Variants in PC observed in about 807,000 individuals in gnomAD.
PC encodes the protein pyruvate carboxylase.
In PC, 46 loss-of-function variants were observed where a neutral mutation model predicts 107.8. The ratio of observed to expected loss-of-function variants is 0.43; its 90% CI spans 0.34 to 0.55. The LOEUF is 0.55. Ranked by LOEUF, PC falls within the 20% of genes least tolerant of loss-of-function variation. The pLI is 0.04. For synonymous variants in PC, 662 were observed against 684.7 expected (o/e 0.97, Z 0.52); for missense variants, 1,241 against 1,643.1 (o/e 0.76, Z 4.23).
rs916136652 is a variant in PC, at chr11:66,931,647, T to C, written c.-1+20783A>G. On this transcript the variant is annotated intron_variant, in intron 3 of 22. Coordinates refer to ENST00000393960, the MANE Select transcript of PC (RefSeq NM_001040716.2). ...TGCAGACTTTTTATTTGTGCTGACA[T>C]CGGACGATTTCCAAGATACACTGAT... Among the ~76,000 whole-genome samples the C allele has an allele frequency of 2.0e-5, 3 of 151,746 alleles. No homozygotes were observed. The South Asian group carries it at 6.2e-4, about 31-fold the overall frequency.
At chr11:66,933,990 T>C (rs1328972251) in intron 3 of PC, among the ~76,000 whole-genome samples, 1 of 152,194 alleles carries the variant, frequency 6.6e-6, no homozygotes, top group Non-Finnish European at 1.5e-5. Flanking sequence ...TGCTAGGCCC[T>C]GAGGATTCCA....
chr11:66,926,051 T>C (rs545693696), intron 3 of PC, among the ~76,000 whole-genome samples: 55 of 152,246 alleles, frequency 3.6e-4, no homozygotes, highest in South Asian at 1.0e-3. Flanking sequence ...TGAAATGATA[T>C]GGCAAAAAGA....
chr11:66,862,397 A>C (rs191374309), intron 12 of PC, among the ~76,000 whole-genome samples: 3 of 152,322 alleles, frequency 2.0e-5, no homozygotes, highest in Admixed American at 6.5e-5. Flanking sequence ...ACATGTGAGA[A>C]GTGATTGCAG....
intron 3 of PC, among the ~76,000 whole-genome samples, chr11:66,932,605 C>T (rs527712333): frequency 6.6e-6 from 1 of 152,258 alleles, no homozygotes; most frequent in East Asian, 1.9e-4. Flanking sequence ...CTGCATTTGC[C>T]CTTTAGCCCA....
chr11:66,940,618 G>A (rs1949107253), intron 3 of PC, among the ~76,000 whole-genome samples: 1 of 151,808 alleles, frequency 6.6e-6, no homozygotes, highest in African/African-American at 2.4e-5. Flanking sequence ...AGCCCAGGAG[G>A]TCGAGGCTGC....
At chr11:66,949,338 A>G (rs1442519070) in intron 3 of PC, among the ~76,000 whole-genome samples, 1 of 152,108 alleles carries the variant, frequency 6.6e-6, no homozygotes, top group Admixed American at 6.6e-5. Flanking sequence ...AATATGATTT[A>G]TAAGTTCAAT....
intron 3 of PC, among the ~76,000 whole-genome samples, chr11:66,910,072 A>G (rs1275657555): frequency 6.6e-6 from 1 of 152,160 alleles, no homozygotes; most frequent in East Asian, 1.9e-4. Flanking sequence ...AATTATGACG[A>G]CTTTATAGGT....
rs201276554 is a variant in PC, at chr11:66,858,338, G to A, written c.1369-4955C>T. On this transcript the variant is annotated intron_variant, in intron 12 of 22. Coordinates refer to ENST00000393960, the MANE Select transcript of PC (RefSeq NM_001040716.2). This position sits in a 1 kb window ranked among gnomAD's most constrained non-coding sequence, Gnocchi z 5.9. ...CCCAGCTCGGTCAGCTCTCCCGCCT[G>A]GACCTCACCTCCAACCGCCTGGCCA... The A allele has an allele frequency of 1.2e-6, 2 of 1,605,274 alleles. No individual in the cohort carries two copies. The highest frequency in any genetic ancestry group is 2.7e-5 in the African/African-American group (2 of 74,962).
rs1056456070 is a variant in PC at position 66,866,494 on chromosome 11, G to T, written c.1023-145C>A. 3 of 658,748 alleles carry T rather than the reference G, an allele frequency of 4.6e-6. No homozygotes were observed. The highest frequency in any genetic ancestry group is 1.8e-5 in the South Asian group (1 of 55,036). 40.8% of individuals were successfully genotyped at this position (658,748 alleles called of 1,614,324 possible). On this transcript the variant is annotated intron_variant, in intron 10 of 22. Coordinates refer to ENST00000393960, the MANE Select transcript of PC (RefSeq NM_001040716.2). This position sits in a 1 kb window ranked among gnomAD's most constrained non-coding sequence, Gnocchi z 5.4. ...AGGCTCTGGGCCAGCCTGAACAGCC[G>T]GTTCCTCCCAACCAGTGGCTCCACC...
chr11:66,870,980 C>G lies in PC; in HGVS notation c.633+72G>C. ...TGAACCCCACCCACTTTCCAGATCC[C>G]TTGAGTGGTCCGCCCCTGCCCCCAC... On this transcript the variant is annotated intron_variant, in intron 7 of 22. Transcript: ENST00000393960. This position sits in a 1 kb window ranked among gnomAD's most constrained non-coding sequence, Gnocchi z 6.1. 1 of 1,609,932 alleles carries G rather than the reference C, an allele frequency of 6.2e-7. No homozygotes were observed. The highest frequency in any genetic ancestry group is 8.5e-7 in the Non-Finnish European group (1 of 1,177,712).
At chr11:66,880,960 C>T (rs1017367550) in intron 3 of PC, among the ~76,000 whole-genome samples, 4 of 152,228 alleles carry the variant, frequency 2.6e-5, no homozygotes, top group African/African-American at 9.6e-5. Flanking sequence ...TGAGCCGCAA[C>T]TCTTCAAGGG....
chr11:66,908,131 A>T (rs1948222379), intron 3 of PC, among the ~76,000 whole-genome samples: 1 of 151,942 alleles, frequency 6.6e-6, no homozygotes. Flanking sequence ...ATGAAAGGGC[A>T]GTGGTGTTCG....
At chr11:66,928,583 T>A (rs1480847873) in intron 3 of PC, among the ~76,000 whole-genome samples, 1 of 152,042 alleles carries the variant, frequency 6.6e-6, no homozygotes, top group East Asian at 1.9e-4. Context: ...TAAAGTGCAA[T>A]GGAGCGATCT....
Position 66,851,396 on chromosome 11 carries a change from G to A in PC, c.1983-116C>T, listed in dbSNP as rs2135805611. On this transcript the variant is annotated intron_variant, in intron 16 of 22. Transcript: ENST00000393960. ...CTGGGGAATGAGATCTGAGGGTCTC[G>A]CCTGGCAGGGGGTGTGGCATCCACA... The A allele has an allele frequency of 1.4e-6, 2 of 1,450,738 alleles. No individual in the cohort carries two copies. Among genetic ancestry groups the A allele is most frequent in the South Asian group, 1.2e-5 (1 of 83,782 alleles). 89.9% of individuals were successfully genotyped at this position (1,450,738 alleles called of 1,614,324 possible).
chr11:66,855,886 G>A (rs1391659956), intron 12 of PC, among the ~76,000 whole-genome samples: 1 of 152,248 alleles, frequency 6.6e-6, no homozygotes, highest in African/African-American at 2.4e-5. Context: ...CTACACTGCT[G>A]TGCTGACAGG....
chr11:66,866,479 C>A lies in PC; in HGVS notation c.1023-130G>T. ...GCGACTCCTGCCCATAGGCTCTGGG[C>A]CAGCCTGAACAGCCGGTTCCTCCCA... On this transcript the variant is annotated intron_variant, in intron 10 of 22. Coordinates refer to ENST00000393960, the MANE Select transcript of PC (RefSeq NM_001040716.2). The surrounding 1 kb of genome is among the most constrained non-coding windows in gnomAD (Gnocchi z 5.4). 1 of 694,956 alleles carries A rather than the reference C, an allele frequency of 1.4e-6. No homozygotes were observed. The highest frequency in any genetic ancestry group is 2.5e-6 in the Non-Finnish European group (1 of 405,236). 43.0% of individuals were successfully genotyped at this position (694,956 alleles called of 1,614,324 possible).
chr11:66,938,563 CTTAAAA>C (rs1357509094), intron 3 of PC, among the ~76,000 whole-genome samples: 2 of 151,956 alleles, frequency 1.3e-5, no homozygotes, highest in East Asian at 1.9e-4. Context: ...AAATTGATAA[CTTAAAA>C]TTAAAACATC....
chr11:66,879,655 G>T (rs1443075143), intron 3 of PC, among the ~76,000 whole-genome samples: 2 of 152,246 alleles, frequency 1.3e-5, no homozygotes, highest in Non-Finnish European at 2.9e-5. Flanking sequence ...AGGCCTAGAA[G>T]CTGGCATGGG....
At position 66,858,967 on chromosome 11, in the gene PC, C is replaced by A. The variant is rs1297507742; in HGVS notation, c.1368+4807G>T. On this transcript the variant is annotated intron_variant, in intron 12 of 22. Transcript: ENST00000393960. The surrounding 1 kb of genome is among the most constrained non-coding windows in gnomAD (Gnocchi z 5.9). Reference sequence around the variant, plus strand: ...GAGGGGACGCTGGAGTCTGAGCCAGCCGTGCAGGTGACGGAGGTGACCGCC... The same window carrying A: ...GAGGGGACGCTGGAGTCTGAGCCAGACGTGCAGGTGACGGAGGTGACCGCC... 2 of 1,574,164 alleles carry A rather than the reference C, an allele frequency of 1.3e-6. No homozygotes were observed. The highest frequency in any genetic ancestry group is 1.7e-6 in the Non-Finnish European group (2 of 1,156,796).
Sources: allele counts gnomAD v4.1 joint callset (sites outside exome capture counted in the v4.1 genomes callset), GRCh38; gene constraint gnomAD v4.1.1; non-coding constraint Gnocchi (gnomAD v3.1); transcripts MANE v1.5; gene names NCBI Gene and HGNC (gene_info 2026-07-23, HGNC 2026-07-21).